The following SLC25A21 variants were observed in gnomAD, a reference collection of about 807,000 sequenced individuals.
SLC25A21 encodes the protein solute carrier family 25 member 21, also known as mitochondrial 2-oxodicarboxylate carrier.
Under a neutral mutation model 43.8 loss-of-function variants are expected in SLC25A21, and 47 were observed. The ratio of observed to expected loss-of-function variants is 1.07; its 90% CI spans 0.85 to 1.37. The LOEUF (loss-of-function observed/expected upper bound fraction) is 1.37, where lower values mean the gene tolerates loss of function less well. SLC25A21 is among the 40% of genes most tolerant of loss of function. The pLI, the probability that SLC25A21 is intolerant of heterozygous loss-of-function variation, is 0.00. For missense variants in SLC25A21, 352 were observed against 350.2 expected (o/e 1.00, Z -0.04); for synonymous variants, 131 against 121.3 (o/e 1.08, Z -0.52).
At position 37,000,340 on chromosome 14, in the gene SLC25A21, G is replaced by A. The variant is rs147434085; in HGVS notation, c.71-125336C>T. 1.9e-3 allele frequency among the ~76,000 whole-genome samples: 290 copies of A among 152,142 alleles called. 2 individuals are homozygous for A. The highest frequency in any genetic ancestry group is 6.6e-3 in the African/African-American group (274 of 41,498). ...TATTCCCCCGTTTTCTCTCACACCT[G>A]GCTACTGTCTCTTTACAAAATAGTC... On this transcript the variant is annotated intron_variant, in intron 1 of 9. Transcript: ENST00000331299.
intron 1 of SLC25A21, among the ~76,000 whole-genome samples, chr14:37,117,682 C>A (rs549400510): frequency 6.6e-6 from 1 of 152,086 alleles, no homozygotes; most frequent in Non-Finnish European, 1.5e-5. Context: ...GAAACTGATA[C>A]CTCTCTATGA....
At chr14:36,895,537 C>T (rs1891213800) in intron 1 of SLC25A21, among the ~76,000 whole-genome samples, 1 of 152,158 alleles carries the variant, frequency 6.6e-6, no homozygotes, top group Non-Finnish European at 1.5e-5. Context: ...GTCTCTATTT[C>T]CTTCAATTCT....
At chr14:36,696,480 A>G (rs938276577) in intron 7 of SLC25A21, among the ~76,000 whole-genome samples, 3 of 152,180 alleles carry the variant, frequency 2.0e-5, no homozygotes, top group African/African-American at 7.2e-5. Context: ...TTCAGAAGGA[A>G]TGGTACCAGC....
At chr14:36,777,385 T>C (rs1430354556) in intron 3 of SLC25A21, among the ~76,000 whole-genome samples, 1 of 152,210 alleles carries the variant, frequency 6.6e-6, no homozygotes, top group Non-Finnish European at 1.5e-5. Context: ...ATAGTGGCCC[T>C]AAAAAGATAC....
intron 2 of SLC25A21, among the ~76,000 whole-genome samples, chr14:36,868,537 C>T (rs1163757779): frequency 6.6e-6 from 1 of 152,122 alleles, no homozygotes; most frequent in Non-Finnish European, 1.5e-5. Context: ...TATTAAGTGC[C>T]ACAGTGCCTG....
intron 4 of SLC25A21, among the ~76,000 whole-genome samples, chr14:36,733,924 A>G (rs193132957): frequency 4.8e-4 from 73 of 152,288 alleles, no homozygotes; most frequent in African/African-American, 1.8e-3. Flanking sequence ...CTCTACAGTT[A>G]TGTGGTTAAG....
At chr14:36,911,111 A>C (rs1594686935) in intron 1 of SLC25A21, among the ~76,000 whole-genome samples, 1 of 151,996 alleles carries the variant, frequency 6.6e-6, no homozygotes. Flanking sequence ...TTCTTGTATC[A>C]CTCCTACTAC....
chr14:36,902,379 T>G (rs1891419306), intron 1 of SLC25A21, among the ~76,000 whole-genome samples: 1 of 152,128 alleles, frequency 6.6e-6, no homozygotes, highest in African/African-American at 2.4e-5. Context: ...GTGCTAGCTC[T>G]ACTCTGGTGG....
intron 7 of SLC25A21, among the ~76,000 whole-genome samples, chr14:36,701,110 T>C (rs1883260787): frequency 6.6e-6 from 1 of 152,242 alleles, no homozygotes; most frequent in South Asian, 2.1e-4. Flanking sequence ...ATCTTGGCTC[T>C]CTTTTGTTGT....
At chr14:36,865,228 C>T (rs4906465) in intron 2 of SLC25A21, among the ~76,000 whole-genome samples, 62,290 of 151,722 alleles carry the variant, frequency 0.41, 14,004 homozygotes, top group Non-Finnish European at 0.49. Flanking sequence ...CTCTGCTGGG[C>T]TCCCCACAAA....
intron 1 of SLC25A21, among the ~76,000 whole-genome samples, chr14:37,165,046 A>G (rs1409413691): frequency 6.6e-6 from 1 of 152,240 alleles, no homozygotes; most frequent in Non-Finnish European, 1.5e-5. Flanking sequence ...AGATGCACAA[A>G]GTAAAAACAG....
intron 1 of SLC25A21, among the ~76,000 whole-genome samples, chr14:36,966,634 C>A (rs1416465790): frequency 6.6e-6 from 1 of 152,204 alleles, no homozygotes; most frequent in East Asian, 1.9e-4. Context: ...TAAGTCTGCT[C>A]CTCTGCGACA....
chr14:37,113,462 A>G (rs1430028796), intron 1 of SLC25A21, among the ~76,000 whole-genome samples: 2 of 152,202 alleles, frequency 1.3e-5, no homozygotes, highest in Non-Finnish European at 2.9e-5. Context: ...AGTAGATACT[A>G]AACAATTATA....
chr14:37,103,993 T>C (rs1380364799), intron 1 of SLC25A21, among the ~76,000 whole-genome samples: 2 of 152,216 alleles, frequency 1.3e-5, no homozygotes, highest in Non-Finnish European at 2.9e-5. Context: ...GGACCATTTC[T>C]GTGCTTCCCA....
intron 3 of SLC25A21, among the ~76,000 whole-genome samples, chr14:36,805,995 A>T (rs1009395540): frequency 1.3e-5 from 2 of 152,100 alleles, no homozygotes; most frequent in Non-Finnish European, 1.5e-5. Flanking sequence ...CAGATGGATC[A>T]TTTGAGGTCA....
intron 2 of SLC25A21, among the ~76,000 whole-genome samples, chr14:36,844,738 A>C (rs1889490177): frequency 6.6e-6 from 1 of 152,184 alleles, no homozygotes. Flanking sequence ...GCACCATTCG[A>C]AAATCTGGAC....
At chr14:37,087,108 C>CT (rs1962500138) in intron 1 of SLC25A21, among the ~76,000 whole-genome samples, 1 of 152,276 alleles carries the variant, frequency 6.6e-6, no homozygotes, top group Admixed American at 6.5e-5. Context: ...ACAGTCACAT[C>CT]TTTCTTCATT....
At chr14:37,111,461 A>G (rs1219101334) in intron 1 of SLC25A21, among the ~76,000 whole-genome samples, 1 of 152,184 alleles carries the variant, frequency 6.6e-6, no homozygotes, top group Non-Finnish European at 1.5e-5. Flanking sequence ...AGGGGGAAGG[A>G]ATTGATGGTC....
chr14:37,102,432 T>C lies in SLC25A21; in HGVS notation c.70+69849A>G, dbSNP rs1261909657. 1.0e-4 allele frequency among the ~76,000 whole-genome samples: 15 copies of C among 150,630 alleles called. 1 individual carries two copies. The East Asian group carries it at 3.0e-3, about 30-fold the overall frequency. ...CACTCCAGCCTGGGCAACAGAGACC[T>C]TGTCTCAAAAAAAAAAAAAAAGTAA... On this transcript the variant is annotated intron_variant, in intron 1 of 9. Transcript: ENST00000331299.
Sources: allele counts gnomAD v4.1 joint callset (sites outside exome capture counted in the v4.1 genomes callset), GRCh38; gene constraint gnomAD v4.1.1; transcripts MANE v1.5; gene names NCBI Gene and HGNC (gene_info 2026-07-23, HGNC 2026-07-21).